Variants in MTRF1 observed in about 807,000 individuals in gnomAD.
The protein encoded by MTRF1 is mitochondrial translation release factor 1.
A neutral mutation model predicts 62.9 loss-of-function variants in MTRF1; 51 were observed. The observed-to-expected ratio is 0.81, with a 90% CI of 0.65 to 1.02. The LOEUF is 1.02. Ranked by LOEUF, MTRF1 falls within the 50% of genes least tolerant of loss-of-function variation. The pLI, the probability that MTRF1 is intolerant of heterozygous loss-of-function variation, is 0.00. For synonymous variants in MTRF1, 158 were observed against 181.9 expected (o/e 0.87, Z 1.06); for missense variants, 446 against 530.0 (o/e 0.84, Z 1.56).
intron 5 of MTRF1, among the ~76,000 whole-genome samples, chr13:41,247,981 C>G (rs891224011): frequency 3.3e-4 from 50 of 152,290 alleles, no homozygotes; most frequent in African/African-American, 1.1e-3. Flanking sequence ...GGCTTACAGA[C>G]AGTGACTAGA....
chr13:41,241,161 CG>C (rs2037435601), intron 5 of MTRF1, among the ~76,000 whole-genome samples: 1 of 152,086 alleles, frequency 6.6e-6, no homozygotes, highest in Non-Finnish European at 1.5e-5. Context: ...TCTCCTGCCT[CG>C]TTCTCTTGAG....
chr13:41,311,661 C>G, the MTRF1 span: 1 of 1,375,650 alleles, frequency 7.3e-7, no homozygotes, highest in Non-Finnish European at 1.0e-6. Context: ...TGGCGGCGGC[C>G]GGCGCGGGCC....
chr13:41,289,094 G>C, the MTRF1 span, among the ~76,000 whole-genome samples: 2 of 152,064 alleles, frequency 1.3e-5, no homozygotes, highest in Non-Finnish European at 2.9e-5. Context: ...AGGTGAAAAA[G>C]CTCGATGAGT....
chr13:41,289,181 C>G, the MTRF1 span, among the ~76,000 whole-genome samples: 1 of 150,946 alleles, frequency 6.6e-6, no homozygotes, highest in Non-Finnish European at 1.5e-5. Flanking sequence ...TTCTACGCAA[C>G]AACAACGAAC....
the MTRF1 span, among the ~76,000 whole-genome samples, chr13:41,310,947 G>A: frequency 2.6e-5 from 4 of 152,116 alleles, no homozygotes; most frequent in East Asian, 7.7e-4. Flanking sequence ...CTACTTAAAA[G>A]AAAATTCTCG....
chr13:41,294,883 C>T, the MTRF1 span, among the ~76,000 whole-genome samples: 4 of 152,126 alleles, frequency 2.6e-5, no homozygotes, highest in African/African-American at 9.7e-5. Flanking sequence ...TATACTAATA[C>T]AAAACTAAAA....
chr13:41,294,690 G>A, the MTRF1 span, among the ~76,000 whole-genome samples: 4 of 152,056 alleles, frequency 2.6e-5, no homozygotes, highest in Admixed American at 6.5e-5. Flanking sequence ...ATTTAAGAGA[G>A]CAAAAGTATA....
chr13:41,220,222 C>CG (rs2032982755), intron 9 of MTRF1, among the ~76,000 whole-genome samples: 1 of 148,162 alleles, frequency 6.7e-6, no homozygotes, highest in South Asian at 2.1e-4. Flanking sequence ...CCCAGCTACT[C>CG]AGGAGGCTGA....
intron 6 of MTRF1, among the ~76,000 whole-genome samples, chr13:41,237,218 C>CAAAAAAAAAAAAAAAAAAAA (rs11412273): frequency 1.6e-5 from 1 of 63,884 alleles, no homozygotes; most frequent in Non-Finnish European, 2.7e-5. Context: ...GAATCTGTCT[C>CAAAAAAAAAAAAAAAAAAAA]AAAAAAAAAA....
intron 5 of MTRF1, 99 bp from the exon 6 acceptor site, chr13:41,240,532 G>T: frequency 1.8e-6 from 2 of 1,095,482 alleles, no homozygotes; most frequent in Non-Finnish European, 2.5e-6. Context: ...TGAGTACAGA[G>T]CCTAAGATGA....
At position 41,233,897 on chromosome 13, in the gene MTRF1, G is replaced by A. The variant is rs747953581; in HGVS notation, c.981C>T (p.Ile327=). 6.2e-7 allele frequency: 1 copy of A among 1,611,700 alleles called. No homozygotes were observed. Among genetic ancestry groups the A allele is most frequent in the Admixed American group, 1.7e-5 (1 of 60,008 alleles). ...GCCAAGGGGCTTGCTTACCTGTGGG[G>A]ATGTGGACAAGTCTGACGGCACTAT... ...KTDSAVRLVH[I]PTGLVVECQQ... Residue 327 remains isoleucine (I), a synonymous_variant, in exon 7 of 10, where the codon ATC becomes ATT. Transcript: ENST00000379480.
chr13:41,268,532 C>G (rs1385443927), upstream of MTRF1, among the ~76,000 whole-genome samples: 4 of 150,896 alleles, frequency 2.7e-5, no homozygotes, highest in South Asian at 8.4e-4. Context: ...GGTGACAGAG[C>G]AAGACTCTGT....
chr13:41,282,430 C>A, the MTRF1 span, among the ~76,000 whole-genome samples: 6 of 152,258 alleles, frequency 3.9e-5, no homozygotes, highest in African/African-American at 1.4e-4. Flanking sequence ...CTAGCCTGGG[C>A]GACAGAGCAG....
At chr13:41,262,333 T>A (rs2040546725) in intron 1 of MTRF1, 1 of 109,836 alleles carries the variant, frequency 9.1e-6, no homozygotes, top group African/African-American at 3.1e-5. Flanking sequence ...AGCAACACGC[T>A]GTCTCAAAAA....
At chr13:41,273,750 T>C in the MTRF1 span, among the ~76,000 whole-genome samples, 2 of 151,998 alleles carry the variant, frequency 1.3e-5, no homozygotes, top group Non-Finnish European at 2.9e-5. Flanking sequence ...GGCAGGAGAA[T>C]CGCTTGAACC....
In MTRF1 at chr13:41,260,772, T is replaced by C. The variant is rs1048229234; in HGVS notation, c.136A>G (p.Arg46Gly). ...DTRLQVFRQN[R>G]NCILHLLSKN... ...CTTAACAGATGAAGAATGCAATTCC[T>C]GTTTTGTCTAAAAACTTGCAGCCTT... The change falls in exon 2 of 10, where the codon AGG (arginine) becomes GGG (glycine). Residue 46 changes from arginine (R) to glycine (G), a missense_variant. Arg to Gly is a moderately radical substitution (Grantham distance 125). Transcript: ENST00000379480. 6.2e-7 allele frequency: 1 copy of C among 1,614,242 alleles called. No homozygotes were observed. The highest frequency in any genetic ancestry group is 1.7e-5 in the Admixed American group (1 of 60,028).
At chr13:41,220,601 A>C in intron 9 of MTRF1, 2 of 1,288,924 alleles carry the variant, frequency 1.6e-6, no homozygotes, top group Non-Finnish European at 2.0e-6. Flanking sequence ...AGGAATGTGG[A>C]ATGTGCAGGG....
chr13:41,236,925 A>C (rs2036688570), intron 6 of MTRF1, among the ~76,000 whole-genome samples: 2 of 152,136 alleles, frequency 1.3e-5, no homozygotes, highest in Non-Finnish European at 2.9e-5. Flanking sequence ...ATTTTCAAGA[A>C]TATAAAAACA....
chr13:41,223,629 C>A (rs940255804), intron 8 of MTRF1, among the ~76,000 whole-genome samples: 3 of 152,190 alleles, frequency 2.0e-5, no homozygotes, highest in Non-Finnish European at 4.4e-5. Flanking sequence ...TCAGTTCCCC[C>A]TCCTGGTTTC....
Sources: allele counts gnomAD v4.1 joint callset (sites outside exome capture counted in the v4.1 genomes callset), GRCh38; gene constraint gnomAD v4.1.1; transcripts MANE v1.5; gene names NCBI Gene and HGNC (gene_info 2026-07-23, HGNC 2026-07-21).